The following APBB2 variants were observed in gnomAD, a reference collection of about 807,000 sequenced individuals.
APBB2 encodes the protein Fe65-like 1.
In APBB2, 38 loss-of-function variants were observed where a neutral mutation model predicts 82.5. The ratio of observed to expected loss-of-function variants is 0.46; its 90% CI spans 0.36 to 0.60. The LOEUF (loss-of-function observed/expected upper bound fraction) is 0.60, where lower values mean the gene tolerates loss of function less well. Ranked by LOEUF, APBB2 falls within the 20% of genes least tolerant of loss-of-function variation. The pLI is 0.00. For synonymous variants in APBB2, 341 were observed against 368.2 expected (o/e 0.93, Z 0.85); for missense variants, 772 against 972.3 (o/e 0.79, Z 2.74).
Position 40,851,734 on chromosome 4 carries a change from ATATATTTTT to A in APBB2, c.1530-21166_1530-21158del, listed in dbSNP as rs528517833. Among the ~76,000 whole-genome samples the A allele has an allele frequency of 3.4e-3, 209 of 61,022 alleles. 1 individual carries two copies. The highest frequency in any genetic ancestry group is 8.6e-3 in the Middle Eastern group (1 of 116). 40.0% of individuals were successfully genotyped at this position (61,022 alleles called of 152,430 possible). A position where few individuals can be genotyped will look rare whatever the true frequency, so the allele number is the denominator to read the frequency against. On this transcript the variant is annotated intron_variant, in intron 12 of 17. Coordinates refer to ENST00000508593, the MANE Select transcript of APBB2 (RefSeq NM_004307.2). ...TTTCTATGCATATATATATATATAT[ATATATTTTT>A]TTTTTTTTTTTTTTTCAAAACCAAA...
chr4:40,991,190 TTTTTTTTG>T (rs1366439750), intron 6 of APBB2, among the ~76,000 whole-genome samples: 1 of 140,222 alleles, frequency 7.1e-6, no homozygotes, highest in Non-Finnish European at 1.6e-5. Flanking sequence ...TTTTTTTTTT[TTTTTTTTG>T]TAGAAATGAG....
intron 1 of APBB2, among the ~76,000 whole-genome samples, chr4:41,159,753 T>C (rs1379521228): frequency 6.6e-6 from 1 of 151,454 alleles, no homozygotes; most frequent in Non-Finnish European, 1.5e-5. Flanking sequence ...ATCTCATCCC[T>C]GGAATAAGTA....
In APBB2 at chr4:41,101,421, G is replaced by A. The variant is rs1214504972; in HGVS notation, c.-260-671C>T. 2.2e-3 allele frequency among the ~76,000 whole-genome samples: 280 copies of A among 129,762 alleles called. 1 individual carries two copies. The highest frequency in any genetic ancestry group is 4.3e-3 in the Admixed American group (47 of 10,964). 85.1% of individuals were successfully genotyped at this position (129,762 alleles called of 152,430 possible). ...GGAGCTTGCAGTGAGCCGAGATTGC[G>A]CCACTGCAGTCCGCAGTCCGACCTG... On this transcript the variant is annotated intron_variant, in intron 2 of 17. Coordinates refer to ENST00000508593, the MANE Select transcript of APBB2 (RefSeq NM_004307.2).
rs1407755654 is a variant in APBB2, at chr4:40,881,824, G to A, written c.1529+8540C>T. Among the ~76,000 whole-genome samples the A allele has an allele frequency of 2.0e-5, 3 of 152,108 alleles. No individual in the cohort carries two copies. The East Asian group carries it at 5.8e-4, about 29-fold the overall frequency. On this transcript the variant is annotated intron_variant, in intron 12 of 17. Coordinates refer to ENST00000508593, the MANE Select transcript of APBB2 (RefSeq NM_004307.2). Reference sequence around the variant, plus strand: ...GCTGGGATTACAGGTATGAGCCACTGCGCCCGGCCGAGACCCATTATTTCT... The same window carrying A: ...GCTGGGATTACAGGTATGAGCCACTACGCCCGGCCGAGACCCATTATTTCT...
At chr4:40,824,381 T>C (rs1749130167) in intron 15 of APBB2, among the ~76,000 whole-genome samples, 2 of 152,114 alleles carry the variant, frequency 1.3e-5, no homozygotes, top group Non-Finnish European at 2.9e-5. Context: ...TTCTGGGGGA[T>C]AGGGGTGGGA....
intron 1 of APBB2, among the ~76,000 whole-genome samples, chr4:41,194,965 A>C: frequency 6.6e-6 from 1 of 152,172 alleles, no homozygotes; most frequent in Non-Finnish European, 1.5e-5. Flanking sequence ...CCAGCAGATC[A>C]TACCTCTCCC....
At chr4:41,054,708 C>A (rs1041896666) in intron 4 of APBB2, among the ~76,000 whole-genome samples, 1 of 152,138 alleles carries the variant, frequency 6.6e-6, no homozygotes, top group African/African-American at 2.4e-5. Flanking sequence ...TATAAATGGG[C>A]AGTCAATGGC....
chr4:40,858,028 T>C (rs1358188735), intron 12 of APBB2, among the ~76,000 whole-genome samples: 4 of 152,124 alleles, frequency 2.6e-5, no homozygotes, highest in Admixed American at 6.6e-5. Context: ...TTGTAATCCC[T>C]ACCTCTTTTA....
chr4:41,157,308 C>A (rs1196582644), intron 1 of APBB2, among the ~76,000 whole-genome samples: 1 of 152,154 alleles, frequency 6.6e-6, no homozygotes, highest in African/African-American at 2.4e-5. Context: ...CTCTTCCAGG[C>A]TGCAAAGAGC....
intron 6 of APBB2, among the ~76,000 whole-genome samples, chr4:40,947,789 T>C (rs1046447754): frequency 2.0e-5 from 3 of 152,206 alleles, no homozygotes; most frequent in African/African-American, 4.8e-5. Context: ...GCAGATACCA[T>C]AACTGTCTTA....
At chr4:41,163,051 C>T (rs1026910458) in intron 1 of APBB2, among the ~76,000 whole-genome samples, 6 of 152,270 alleles carry the variant, frequency 3.9e-5, no homozygotes, top group African/African-American at 1.4e-4. Flanking sequence ...CTTAAGAGGA[C>T]TCTAGAAGAA....
chr4:41,193,051 C>G (rs1774921337), intron 1 of APBB2, among the ~76,000 whole-genome samples: 1 of 152,194 alleles, frequency 6.6e-6, no homozygotes, highest in Non-Finnish European at 1.5e-5. Context: ...AACCTAAAGG[C>G]TTACTGGCTA....
At chr4:40,907,359 ATATATATATATATATATATATTTTT>A (rs1472278953) in intron 10 of APBB2, among the ~76,000 whole-genome samples, 1 of 48,572 alleles carries the variant, frequency 2.1e-5, no homozygotes, top group Non-Finnish European at 3.8e-5. Context: ...ATATATATAT[ATATATATATATATATATATATTTTT>A]TTTTTTTTTT....
intron 6 of APBB2, among the ~76,000 whole-genome samples, chr4:40,951,993 C>T (rs1487546526): frequency 2.6e-5 from 4 of 151,972 alleles, no homozygotes; most frequent in Non-Finnish European, 5.9e-5. Context: ...TTGAGACCAG[C>T]CTGGCCAACA....
Position 40,842,440 on chromosome 4 carries a change from G to A in APBB2, c.1530-11863C>T, listed in dbSNP as rs947578499. On this transcript the variant is annotated intron_variant, in intron 12 of 17. Transcript: ENST00000508593. ...CACGTTAGCATTCACACGGCATCCC[G>A]CCAATAACACAGCCCCGTTAACAGC... 16 of 445,456 alleles carry A rather than the reference G, an allele frequency of 3.6e-5. No individual in the cohort carries two copies. In the East Asian group the frequency reaches 4.2e-4, roughly 12 times the overall value. The allele number at this position is 445,456 out of a possible 1,614,324, so 27.6% of individuals were successfully genotyped here. A position where few individuals can be genotyped will look rare whatever the true frequency, so the allele number is the denominator to read the frequency against.
intron 12 of APBB2, among the ~76,000 whole-genome samples, chr4:40,850,301 G>C (rs1235834206): frequency 6.6e-6 from 1 of 152,070 alleles, no homozygotes; most frequent in Non-Finnish European, 1.5e-5. Context: ...ATTATTATTT[G>C]AGTTTGGCTT....
At chr4:40,944,717 A>G in intron 7 of APBB2, 148 bp downstream of exon 7, 1 of 739,216 alleles carries the variant, frequency 1.4e-6, no homozygotes, top group Non-Finnish European at 2.3e-6. Context: ...ATTTACTAAG[A>G]GGAAGCATTA....
At chr4:41,093,006 CTATT>C (rs1431867135) in intron 3 of APBB2, among the ~76,000 whole-genome samples, 1 of 152,116 alleles carries the variant, frequency 6.6e-6, no homozygotes, top group East Asian at 1.9e-4. Context: ...GCTACGAGAG[CTATT>C]TAGAGGCCCT....
At chr4:41,109,356 T>C (rs181187661) in intron 2 of APBB2, among the ~76,000 whole-genome samples, 1 of 152,070 alleles carries the variant, frequency 6.6e-6, no homozygotes, top group African/African-American at 2.4e-5. Flanking sequence ...AGTGACGCCA[T>C]CTTGGCTCAC....
Sources: gnomAD v4.1 joint callset for allele counts (sites outside exome capture counted in the v4.1 genomes callset) on GRCh38, gnomAD v4.1.1 for gene constraint, MANE v1.5 for transcripts, NCBI Gene and HGNC (gene_info 2026-07-23, HGNC 2026-07-21) for gene names.